Variants in C1QTNF3 observed in about 807,000 individuals in gnomAD.
C1QTNF3 encodes the protein C1q and TNF related 3.
C1QTNF3 carries 26 observed loss-of-function variants against 32.6 expected under a neutral mutation model. The observed-to-expected ratio is 0.80, with a 90% CI of 0.58 to 1.11. The LOEUF is 1.11. Ranked by LOEUF, C1QTNF3 falls within the 50% of genes least tolerant of loss-of-function variation. The pLI is 0.00. For synonymous variants in C1QTNF3, 155 were observed against 146.0 expected, an observed-to-expected ratio of 1.06 and a Z score of -0.44; for missense variants, 362 against 398.2, an observed-to-expected ratio of 0.91 and a Z score of 0.77.
At chr5:34,042,514 C>T (rs1223086748) in intron 1 of C1QTNF3, among the ~76,000 whole-genome samples, 1 of 152,264 alleles carries the variant, frequency 6.6e-6, no homozygotes, top group East Asian at 1.9e-4. Context: ...TCCGGACCAA[C>T]AGAGCAAGAA....
At chr5:34,056,454 GTATATA>G in the C1QTNF3 span, among the ~76,000 whole-genome samples, 2 of 48,966 alleles carry the variant, frequency 4.1e-5, no homozygotes, top group African/African-American at 8.4e-5. Flanking sequence ...GTGTGTGTGT[GTATATA>G]TATATATATA....
chr5:34,116,568 T>G, the C1QTNF3 span, among the ~76,000 whole-genome samples: 3 of 129,534 alleles, frequency 2.3e-5, no homozygotes, highest in Non-Finnish European at 3.2e-5. Context: ...GCACTGTCCC[T>G]CCTTCTATCT....
At chr5:34,223,051 G>A in the C1QTNF3 span, among the ~76,000 whole-genome samples, 1 of 151,396 alleles carries the variant, frequency 6.6e-6, no homozygotes, top group African/African-American at 2.4e-5. Context: ...CAAGTTTTAG[G>A]GTACATGTGC....
the C1QTNF3 span, among the ~76,000 whole-genome samples, chr5:34,088,857 C>T: frequency 6.6e-6 from 1 of 152,066 alleles, no homozygotes; most frequent in Admixed American, 6.6e-5. Flanking sequence ...AAATGTAGCA[C>T]ACCTAGGCAT....
chr5:34,043,361 A>C (rs1369464926), upstream of C1QTNF3: 3 of 541,020 alleles, frequency 5.5e-6, no homozygotes, highest in African/African-American at 3.8e-5. Context: ...ATTTGTGTGC[A>C]CAGTTCCCAG....
At chr5:34,116,960 TCATCCTTTTATTGTAAATA>T in the C1QTNF3 span, among the ~76,000 whole-genome samples, 1 of 152,194 alleles carries the variant, frequency 6.6e-6, no homozygotes, top group East Asian at 1.9e-4. Flanking sequence ...GTATATCCTT[TCATCCTTTTATTGTAAATA>T]CATTTTAATT....
chr5:34,216,246 T>TTTG, the C1QTNF3 span, among the ~76,000 whole-genome samples: 3 of 152,232 alleles, frequency 2.0e-5, no homozygotes, highest in Admixed American at 2.0e-4. Flanking sequence ...TTCTTGCTCT[T>TTTG]TTGTTGTTGT....
At chr5:34,160,892 A>G in the C1QTNF3 span, among the ~76,000 whole-genome samples, 1 of 152,212 alleles carries the variant, frequency 6.6e-6, no homozygotes, top group African/African-American at 2.4e-5. Context: ...AAGAAAAAAA[A>G]AACCTTTTAT....
chr5:34,155,799 G>A, the C1QTNF3 span, among the ~76,000 whole-genome samples: 1 of 134,156 alleles, frequency 7.5e-6, no homozygotes, highest in Admixed American at 8.0e-5. Context: ...GGTACAGTAT[G>A]CCAATATATT....
At chr5:34,200,602 TA>T in the C1QTNF3 span, 3 of 152,248 alleles carry the variant, frequency 2.0e-5, no homozygotes, top group East Asian at 3.9e-4. Context: ...TTCAATACCA[TA>T]ATCATTAAAT....
At chr5:34,084,234 T>G in the C1QTNF3 span, among the ~76,000 whole-genome samples, 1 of 151,766 alleles carries the variant, frequency 6.6e-6, no homozygotes. Context: ...TTTGTGAAGG[T>G]GGCTATTTTA....
At chr5:34,035,128 G>C (rs868307791) in intron 2 of C1QTNF3, among the ~76,000 whole-genome samples, 1 of 152,156 alleles carries the variant, frequency 6.6e-6, no homozygotes, top group African/African-American at 2.4e-5. Flanking sequence ...CCTATGCCTG[G>C]TGGCATTGGC....
chr5:34,020,440 T>A lies in C1QTNF3; in HGVS notation c.*143A>T. ...CCCCTGAATTGTCCAACATTATTGG[T>A]GTACCTGTAGCGTGAACAACATTGC... On this transcript the variant is annotated 3_prime_UTR_variant, in exon 6 of 6. Coordinates refer to ENST00000382065, the MANE Select transcript of C1QTNF3 (RefSeq NM_181435.6). 13 of 952,094 alleles carry A rather than the reference T, an allele frequency of 1.4e-5. No homozygotes were observed. The highest frequency in any genetic ancestry group is 1.4e-5 in the Non-Finnish European group (9 of 629,944). The allele number at this position is 952,094 out of a possible 1,614,324, so 59.0% of individuals were successfully genotyped here.
chr5:34,022,405 C>T (rs1268124300), intron 5 of C1QTNF3, among the ~76,000 whole-genome samples: 1 of 152,134 alleles, frequency 6.6e-6, no homozygotes, highest in African/African-American at 2.4e-5. Flanking sequence ...ATAAAGAAGA[C>T]CCTCCTAGAG....
At position 34,018,291 on chromosome 5, in the gene C1QTNF3, A is replaced by G. The variant is rs1477714996; in HGVS notation, c.*2292T>C. Among the ~76,000 whole-genome samples, 1 of 152,180 alleles carries G rather than the reference A, an allele frequency of 6.6e-6. No individual in the cohort carries two copies. On this transcript the variant is annotated 3_prime_UTR_variant, in exon 6 of 6. Coordinates refer to ENST00000382065, the MANE Select transcript of C1QTNF3 (RefSeq NM_181435.6). The stretch of plus-strand genomic sequence containing the variant: ...TATAACACTTCAAACATACCAAAGC[A>G]AGAAATTGTCTCTGGCCATCAGATA...
the C1QTNF3 span, chr5:34,200,856 G>A: frequency 6.6e-6 from 1 of 151,772 alleles, no homozygotes; most frequent in Admixed American, 6.6e-5. Context: ...GATTGTTATT[G>A]CAAATCCATT....
rs749954870 is a variant in C1QTNF3 at position 34,020,468 on chromosome 5, C to A, written c.*115G>T. The A allele has an allele frequency of 1.7e-4, 215 of 1,263,950 alleles. No individual in the cohort carries two copies. Among genetic ancestry groups the A allele is most frequent in the Non-Finnish European group, 2.2e-4 (202 of 902,392 alleles). The allele number at this position is 1,263,950 out of a possible 1,614,324, so 78.3% of individuals were successfully genotyped here. A position where few individuals can be genotyped will look rare whatever the true frequency, so the allele number is the denominator to read the frequency against. On this transcript the variant is annotated 3_prime_UTR_variant, in exon 6 of 6. Transcript: ENST00000382065. ...ACCTGTAGCGTGAACAACATTGCAACCAATAATTTTTTGAATACAGCAATG... is the reference window on the plus strand; with the variant it reads ...ACCTGTAGCGTGAACAACATTGCAAACAATAATTTTTTGAATACAGCAATG...
At chr5:34,083,232 T>C in the C1QTNF3 span, among the ~76,000 whole-genome samples, 4 of 151,640 alleles carry the variant, frequency 2.6e-5, no homozygotes, top group Non-Finnish European at 4.4e-5. Context: ...ATTTAAAGTG[T>C]TTCCTTTAAC....
the C1QTNF3 span, among the ~76,000 whole-genome samples, chr5:34,076,221 A>C: frequency 6.6e-6 from 1 of 151,562 alleles, no homozygotes; most frequent in Admixed American, 6.6e-5. Flanking sequence ...AACAATGTGA[A>C]TGTACTTAAT....
Sources: gnomAD v4.1 joint callset for allele counts (sites outside exome capture counted in the v4.1 genomes callset) on GRCh38, gnomAD v4.1.1 for gene constraint, MANE v1.5 for transcripts, NCBI Gene and HGNC (gene_info 2026-07-23, HGNC 2026-07-21) for gene names.